The following PICALM variants were observed in gnomAD, a reference collection of about 807,000 sequenced individuals.
The protein encoded by PICALM is phosphatidylinositol-binding clathrin assembly protein.
In PICALM, 40 loss-of-function variants were observed where a neutral mutation model predicts 80.5. That is an observed-to-expected ratio of 0.50 (90% CI 0.39 to 0.65). PICALM has a LOEUF of 0.65. Among genes scored for constraint, PICALM ranks in the 30% least tolerant of loss-of-function variants. The pLI, the probability that PICALM is intolerant of heterozygous loss-of-function variation, is 0.00. For missense variants in PICALM, 676 were observed against 778.9 expected (o/e 0.87, Z 1.57); for synonymous variants, 288 against 260.3 (o/e 1.11, Z -1.02).
intron 1 of PICALM, among the ~76,000 whole-genome samples, chr11:86,043,547 TTTAA>T (rs2096012643): frequency 6.6e-6 from 1 of 152,228 alleles, no homozygotes; most frequent in Non-Finnish European, 1.5e-5. Context: ...CCATTTTTGT[TTTAA>T]TTAATAACAC....
chr11:86,043,465 T>A (rs908047704), intron 1 of PICALM, among the ~76,000 whole-genome samples: 1 of 152,140 alleles, frequency 6.6e-6, no homozygotes, highest in Non-Finnish European at 1.5e-5. Flanking sequence ...CATTAGAATT[T>A]TTCACCTCTG....
chr11:86,053,402 T>C (rs1834161265), intron 1 of PICALM, among the ~76,000 whole-genome samples: 1 of 152,234 alleles, frequency 6.6e-6, no homozygotes, highest in South Asian at 2.1e-4. Flanking sequence ...AAATCCTGAC[T>C]ATCCACATTG....
chr11:86,036,800 T>A (rs1449310389), intron 1 of PICALM, among the ~76,000 whole-genome samples: 1 of 152,140 alleles, frequency 6.6e-6, no homozygotes, highest in East Asian at 1.9e-4. Flanking sequence ...CAATTCCATT[T>A]TTTAAAACTG....
rs146840505 is a variant in PICALM at position 86,068,679 on chromosome 11, G to C, written c.102C>G (p.Ile34Met). Residue 34 changes from isoleucine to methionine, a missense_variant, in exon 1 of 20, where the codon ATC becomes ATG. By Grantham distance (10) the Ile-to-Met change is conservative. Around this residue, in one of 2 missense-constraint regions of PICALM, gnomAD observed 285 missense variants for 395.4 expected, o/e 0.72. Coordinates refer to ENST00000393346, the MANE Select transcript of PICALM (RefSeq NM_007166.4). ...CCAGGTGCTTTTTCTTGGGCCCCAT[G>C]ATCTCGTGGGTCGTGGCCTTGCATA... ...KTVCKATTHE[I>M]MGPKKKHLDY... The C allele has an allele frequency of 2.1e-3, 3,323 of 1,613,332 alleles. 7 individuals carry two copies. Among genetic ancestry groups the C allele is most frequent in the Non-Finnish European group, 2.5e-3 (3,007 of 1,179,678 alleles).
intron 12 of PICALM, among the ~76,000 whole-genome samples, chr11:85,991,532 T>A (rs2094776966): frequency 6.6e-6 from 1 of 151,492 alleles, no homozygotes; most frequent in African/African-American, 2.4e-5. Flanking sequence ...CAAATACAAC[T>A]GTCTGAAAAA....
intron 2 of PICALM, among the ~76,000 whole-genome samples, chr11:86,027,070 T>G (rs1034820453): frequency 2.6e-5 from 4 of 152,244 alleles, no homozygotes; most frequent in African/African-American, 9.6e-5. Flanking sequence ...CTAAGAATTG[T>G]CCCACTTAAC....
chr11:85,981,151 G>C lies in PICALM; in HGVS notation c.1757C>G (p.Thr586Ser). Residue 586 changes from threonine to serine, a missense_variant, in exon 17 of 20, where the codon ACC becomes AGC. Physicochemically the swap from Thr to Ser is moderately conservative, Grantham distance 58. Around this residue, in one of 2 missense-constraint regions of PICALM, gnomAD observed 391 missense variants for 383.6 expected, o/e 1.02. Coordinates refer to ENST00000393346, the MANE Select transcript of PICALM (RefSeq NM_007166.4). Reference protein sequence around the residue: ...SNWQPKVAPTTAWNAATMAPP... With the variant: ...SNWQPKVAPTSAWNAATMAPP... ...CACCATTGTTGCAGCATTCCAAGCG[G>C]TTGTTGGTGCAACCTTTGGTTGCCA... is the stretch of plus-strand genomic sequence containing the variant. 1 of 1,597,890 alleles carries C rather than the reference G, an allele frequency of 6.3e-7. No homozygotes were observed.
At chr11:86,036,508 G>C (rs906856549) in intron 1 of PICALM, among the ~76,000 whole-genome samples, 6 of 152,124 alleles carry the variant, frequency 3.9e-5, no homozygotes, top group Admixed American at 2.0e-4. Flanking sequence ...TTTAATAACT[G>C]GGGAAATACT....
intron 13 of PICALM, among the ~76,000 whole-genome samples, chr11:85,986,318 T>A: frequency 6.7e-6 from 1 of 150,256 alleles, no homozygotes; most frequent in East Asian, 2.0e-4. Flanking sequence ...ATAATTTCAA[T>A]GCACATTATC....
At chr11:86,043,970 T>C (rs542472999) in intron 1 of PICALM, among the ~76,000 whole-genome samples, 2 of 152,328 alleles carry the variant, frequency 1.3e-5, no homozygotes, top group South Asian at 2.1e-4. Context: ...AGAATCTTTA[T>C]ATTCCACTTT....
At chr11:86,005,247 T>G (rs2095251820) in intron 8 of PICALM, among the ~76,000 whole-genome samples, 1 of 152,212 alleles carries the variant, frequency 6.6e-6, no homozygotes, top group Non-Finnish European at 1.5e-5. Context: ...ACTGAAACTG[T>G]GGTCATAGAA....
chr11:86,013,841 A>G (rs1177460210), intron 5 of PICALM, among the ~76,000 whole-genome samples: 2 of 152,198 alleles, frequency 1.3e-5, no homozygotes, highest in Non-Finnish European at 2.9e-5. Context: ...AGTCTCTGTC[A>G]TAACTTTTGA....
intron 2 of PICALM, among the ~76,000 whole-genome samples, chr11:86,030,915 G>C (rs1360556455): frequency 2.0e-5 from 3 of 152,156 alleles, no homozygotes; most frequent in Non-Finnish European, 4.4e-5. Context: ...AGAAGTTCAA[G>C]ACCAGCCTAA....
chr11:86,017,105 C>G (rs776996520), intron 4 of PICALM, among the ~76,000 whole-genome samples: 1 of 152,144 alleles, frequency 6.6e-6, no homozygotes, highest in South Asian at 2.1e-4. Flanking sequence ...CGCCTATAGT[C>G]CCAGATACTC....
intron 7 of PICALM, 81 bp from the exon 8 acceptor site, chr11:86,007,664 G>C: frequency 2.1e-6 from 1 of 469,358 alleles, no homozygotes; most frequent in Non-Finnish European, 3.7e-6. Context: ...ATCACGGCTA[G>C]TACCAGTAAT....
intron 17 of PICALM, among the ~76,000 whole-genome samples, chr11:85,977,443 TAAC>T (rs1266702389): frequency 1.3e-5 from 2 of 152,206 alleles, no homozygotes; most frequent in South Asian, 2.1e-4. Flanking sequence ...GTTGCTGTCT[TAAC>T]AACATTTCCT....
At chr11:86,015,141 A>T (rs1391369912) in intron 4 of PICALM, among the ~76,000 whole-genome samples, 178 bp from the exon 5 acceptor site, 1 of 152,212 alleles carries the variant, frequency 6.6e-6, no homozygotes, top group Non-Finnish European at 1.5e-5. Context: ...AAACAAAAAC[A>T]GGCAACACAA....
intron 1 of PICALM, among the ~76,000 whole-genome samples, chr11:86,047,304 G>T (rs749894560): frequency 6.6e-6 from 1 of 152,152 alleles, no homozygotes; most frequent in Non-Finnish European, 1.5e-5. Context: ...GCCACCTCTT[G>T]TCTGGTTTAG....
At chr11:86,026,267 T>C (rs1214376369) in intron 3 of PICALM, 25 bp downstream of exon 3, 3 of 1,294,466 alleles carry the variant, frequency 2.3e-6, no homozygotes, top group Non-Finnish European at 2.2e-6. Context: ...CTTTTGATTT[T>C]CTATAATGTA....
Sources: gnomAD v4.1 joint callset for allele counts (sites outside exome capture counted in the v4.1 genomes callset) on GRCh38, gnomAD v4.1.1 for gene constraint, gnomAD v4.1.1 regional missense constraint, MANE v1.5 for transcripts, NCBI Gene and HGNC (gene_info 2026-07-23, HGNC 2026-07-21) for gene names.